Variants in ZNF609 observed in about 807,000 individuals in gnomAD.
The protein encoded by ZNF609 is zinc finger protein 609.
Under a neutral mutation model 109.5 loss-of-function variants are expected in ZNF609, and 11 were observed. The observed-to-expected ratio is 0.10, with a 90% CI of 0.06 to 0.17. The LOEUF is 0.17. Among genes scored for constraint, ZNF609 ranks in the 10% least tolerant of loss-of-function variants. The pLI, the probability that ZNF609 is intolerant of heterozygous loss-of-function variation, is 1.00. For synonymous variants in ZNF609, 646 were observed against 662.0 expected, an observed-to-expected ratio of 0.98 and a Z score of 0.37; for missense variants, 1,559 against 1,772.4, an observed-to-expected ratio of 0.88 and a Z score of 2.16.
rs931840081 is a variant in ZNF609, at chr15:64,623,176, G to A, written c.973+124G>A. On this transcript the variant is annotated intron_variant, in intron 3 of 9. Transcript: ENST00000326648. ...AGTCTCAAGTGTCCACAGTCTGCGGGAGATACCCACACAGAGGATTTTAGC... is the reference window on the plus strand; with the variant it reads ...AGTCTCAAGTGTCCACAGTCTGCGGAAGATACCCACACAGAGGATTTTAGC... The A allele has an allele frequency of 5.1e-6, 5 of 976,182 alleles. 1 individual carries two copies. The highest frequency in any genetic ancestry group is 3.2e-5 in the African/African-American group (2 of 61,726). The allele number at this position is 976,182 out of a possible 1,614,324, so 60.5% of individuals were successfully genotyped here.
chr15:64,484,675 C>CAA (rs35508980), intron 1 of ZNF609, among the ~76,000 whole-genome samples: 6,292 of 69,684 alleles, frequency 0.09, 893 homozygotes, highest in East Asian at 0.73. Context: ...GACTCTGTCT[C>CAA]AAAAAAAAAA....
intron 1 of ZNF609, among the ~76,000 whole-genome samples, chr15:64,469,050 AAAAAAACAAC>A (rs949379803): frequency 1.2e-4 from 16 of 135,210 alleles, no homozygotes; most frequent in Admixed American, 2.2e-4. Context: ...AAAAAAAAAA[AAAAAAACAAC>A]ACAATTCAGC....
At chr15:64,673,235 A>G (rs1045500656) in intron 4 of ZNF609, among the ~76,000 whole-genome samples, 2 of 152,166 alleles carry the variant, frequency 1.3e-5, no homozygotes, top group Admixed American at 6.5e-5. Flanking sequence ...CTGTCTTAGA[A>G]ACAACCTACT....
intron 2 of ZNF609, among the ~76,000 whole-genome samples, chr15:64,590,309 ATC>A (rs1212078890): frequency 2.6e-5 from 4 of 151,894 alleles, no homozygotes; most frequent in African/African-American, 7.3e-5. Context: ...GGATAAATTG[ATC>A]TCTCTCTCTC....
At chr15:64,643,470 TCTC>T (rs1014007763) in intron 3 of ZNF609, among the ~76,000 whole-genome samples, 5 of 152,118 alleles carry the variant, frequency 3.3e-5, no homozygotes, top group Non-Finnish European at 5.9e-5. Context: ...TGTCTGTCAT[TCTC>T]CTTTAGAAAT....
intron 2 of ZNF609, among the ~76,000 whole-genome samples, chr15:64,511,133 T>C (rs759182242): frequency 5.3e-5 from 8 of 151,990 alleles, no homozygotes; most frequent in Non-Finnish European, 1.0e-4. Flanking sequence ...TACTTAGTTC[T>C]GCACTGAATC....
intron 2 of ZNF609, among the ~76,000 whole-genome samples, chr15:64,563,077 A>G (rs886989900): frequency 6.6e-6 from 1 of 152,060 alleles, no homozygotes; most frequent in African/African-American, 2.4e-5. Flanking sequence ...CTGGGGGTCA[A>G]GGCTGCAGTG....
chr15:64,680,082 A>C (rs925526160), intron 6 of ZNF609, 103 bp from the exon 7 acceptor site: 6 of 1,252,430 alleles, frequency 4.8e-6, no homozygotes, highest in African/African-American at 1.5e-5. Context: ...AAAATACCTC[A>C]GCCTGTGCCT....
chr15:64,659,914 A>G (rs1196833024), intron 3 of ZNF609, among the ~76,000 whole-genome samples: 1 of 149,612 alleles, frequency 6.7e-6, no homozygotes, highest in Non-Finnish European at 1.5e-5. Context: ...GGCTCACTGC[A>G]ACCTCTGCCT....
At chr15:64,651,888 A>G (rs752340483) in intron 3 of ZNF609, among the ~76,000 whole-genome samples, 17 of 152,136 alleles carry the variant, frequency 1.1e-4, no homozygotes, top group African/African-American at 2.4e-4. Flanking sequence ...TTTTGTTTCT[A>G]TTCACGTGTT....
At chr15:64,520,865 A>T (rs1453509083) in intron 2 of ZNF609, among the ~76,000 whole-genome samples, 1 of 152,168 alleles carries the variant, frequency 6.6e-6, no homozygotes, top group Non-Finnish European at 1.5e-5. Flanking sequence ...TCAGCCGAAG[A>T]GATTATTTTA....
chr15:64,532,926 A>G (rs1444389406), intron 2 of ZNF609, among the ~76,000 whole-genome samples: 1 of 152,148 alleles, frequency 6.6e-6, no homozygotes, highest in Non-Finnish European at 1.5e-5. Context: ...CATGTCCTCC[A>G]CTATTCCTGG....
In ZNF609 at chr15:64,521,101, C is replaced by G. The variant is rs183230647; in HGVS notation, c.747+20935C>G. Among the ~76,000 whole-genome samples, 338 of 152,198 alleles carry G rather than the reference C, an allele frequency of 2.2e-3. 3 individuals are homozygous for G. Among genetic ancestry groups the G allele is most frequent in the African/African-American group, 7.7e-3 (321 of 41,528 alleles). On this transcript the variant is annotated intron_variant, in intron 2 of 9. Coordinates refer to ENST00000326648, the MANE Select transcript of ZNF609 (RefSeq NM_015042.2). ...TGACTACCCCCTGAGAATGTAGTCC[C>G]CAGAGAAATCCTTGGATAGCACTCA...
In ZNF609 at chr15:64,683,459, GCCT is replaced by G. The variant is rs1408520850; in HGVS notation, c.*1778_*1780del. ...CTACAGGCCTTTTCCCTAGGTTTCT[GCCT>G]CCTCGTTTTTGTTCAAGTTGGGTTC... On this transcript the variant is annotated 3_prime_UTR_variant, in exon 10 of 10. Coordinates refer to ENST00000326648, the MANE Select transcript of ZNF609 (RefSeq NM_015042.2). 2 of 152,788 alleles carry G rather than the reference GCCT, an allele frequency of 1.3e-5. No homozygotes were observed. Among genetic ancestry groups the G allele is most frequent in the East Asian group, 1.9e-4 (1 of 5,206 alleles). 9.5% of individuals were successfully genotyped at this position (152,788 alleles called of 1,614,324 possible). A position where few individuals can be genotyped will look rare whatever the true frequency, so the allele number is the denominator to read the frequency against.
At chr15:64,667,028 G>A (rs999473100) in intron 3 of ZNF609, among the ~76,000 whole-genome samples, 20 of 152,252 alleles carry the variant, frequency 1.3e-4, no homozygotes, top group African/African-American at 4.1e-4. Flanking sequence ...TACTCGGGGG[G>A]CTGAGGCAGG....
At chr15:64,461,755 A>G (rs11071798) in intron 1 of ZNF609, among the ~76,000 whole-genome samples, 149,727 of 152,262 alleles carry the variant, frequency 0.98, 73,659 homozygotes, top group East Asian at 1. Context: ...TGAGAAAGAT[A>G]GGGAAGAAAG....
chr15:64,655,109 G>T (rs1896471099), intron 3 of ZNF609, among the ~76,000 whole-genome samples: 1 of 132,560 alleles, frequency 7.5e-6, no homozygotes, highest in African/African-American at 2.7e-5. Flanking sequence ...AAAAAAAAAA[G>T]TATAGCACCA....
At chr15:64,581,579 C>T (rs556114867) in intron 2 of ZNF609, among the ~76,000 whole-genome samples, 22 of 152,072 alleles carry the variant, frequency 1.4e-4, no homozygotes, top group Non-Finnish European at 2.5e-4. Flanking sequence ...AGGGAACCAC[C>T]GGAAAGGTCA....
At chr15:64,635,102 G>C (rs1443747622) in intron 3 of ZNF609, among the ~76,000 whole-genome samples, 2 of 152,126 alleles carry the variant, frequency 1.3e-5, no homozygotes, top group Non-Finnish European at 2.9e-5. Context: ...AGGGGAGAAA[G>C]AGAGTCTCCC....
Sources: allele counts gnomAD v4.1 joint callset (sites outside exome capture counted in the v4.1 genomes callset), GRCh38; gene constraint gnomAD v4.1.1; transcripts MANE v1.5; gene names NCBI Gene and HGNC (gene_info 2026-07-23, HGNC 2026-07-21).